Variants in RBMS3 observed in about 807,000 individuals in gnomAD.
RBMS3 encodes the protein RNA binding motif single stranded interacting protein 3, also known as RNA-binding motif, single-stranded-interacting protein 3.
RBMS3 carries 27 observed loss-of-function variants against 66.8 expected under a neutral mutation model. The observed-to-expected ratio is 0.40, with a 90% CI of 0.30 to 0.56. The LOEUF (loss-of-function observed/expected upper bound fraction) is 0.56. RBMS3 is among the 20% of genes least tolerant of loss of function. RBMS3 has a pLI of 0.40. For synonymous variants in RBMS3, 188 were observed against 183.0 expected (o/e 1.03, Z -0.22); for missense variants, 513 against 549.5 (o/e 0.93, Z 0.66).
At position 29,338,623 on chromosome 3, in the gene RBMS3, T is replaced by TTACTGGTC. The variant is rs539395867; in HGVS notation, c.75+56878_75+56885dup. Reference sequence around the variant, plus strand: ...ATTTTGATAAATGCTAATGTGTGAGTTACTGGTCTACTGGTCTAGATTATG... The same window carrying TTACTGGTC: ...ATTTTGATAAATGCTAATGTGTGAGTTACTGGTCTACTGGTCTACTGGTCTAGATTATG... On this transcript the variant is annotated intron_variant, in intron 1 of 14. Coordinates refer to ENST00000383767, the MANE Select transcript of RBMS3 (RefSeq NM_001003793.3). 5.0e-3 allele frequency among the ~76,000 whole-genome samples: 765 copies of TTACTGGTC among 152,058 alleles called. 7 individuals are homozygous for TTACTGGTC. The highest frequency in any genetic ancestry group is 0.017 in the African/African-American group (725 of 41,470).
chr3:29,625,729 TAA>T (rs1309555471), intron 4 of RBMS3, among the ~76,000 whole-genome samples: 45 of 150,318 alleles, frequency 3.0e-4, no homozygotes, highest in South Asian at 8.5e-4. Context: ...AATAAATAAA[TAA>T]ATAAATAAAA....
intron 8 of RBMS3, among the ~76,000 whole-genome samples, chr3:29,892,835 G>GTATT (rs1438541972): frequency 1.4e-4 from 18 of 127,096 alleles, no homozygotes; most frequent in African/African-American, 6.4e-4. Flanking sequence ...ATGTATGTAT[G>GTATT]TATGTATGTA....
intron 1 of RBMS3, among the ~76,000 whole-genome samples, chr3:29,325,342 AGGAATAG>A (rs1440755200): frequency 6.6e-6 from 1 of 152,154 alleles, no homozygotes; most frequent in Non-Finnish European, 1.5e-5. Flanking sequence ...AGATGGGCTG[AGGAATAG>A]TAGAAAGGGA....
intron 4 of RBMS3, among the ~76,000 whole-genome samples, chr3:29,636,403 T>A (rs1394497801): frequency 6.6e-6 from 1 of 151,880 alleles, no homozygotes; most frequent in Non-Finnish European, 1.5e-5. Flanking sequence ...TAAAAATTTT[T>A]CTAAAGGAAA....
intron 3 of RBMS3, among the ~76,000 whole-genome samples, chr3:29,569,457 A>G (rs2046865457): frequency 6.6e-6 from 1 of 152,154 alleles, no homozygotes; most frequent in South Asian, 2.1e-4. Flanking sequence ...TCAACTTATA[A>G]ATAAATATGT....
At chr3:29,884,371 A>T in intron 8 of RBMS3, 163 bp downstream of exon 8, 2 of 552,350 alleles carry the variant, frequency 3.6e-6, no homozygotes, top group Admixed American at 3.5e-5. Flanking sequence ...TCATCCTATA[A>T]ATTATTCTGA....
In RBMS3 at chr3:29,916,697, ATATGT is replaced by A. The variant is rs71628540; in HGVS notation, c.939+16946_939+16950del. 9.8e-3 allele frequency among the ~76,000 whole-genome samples: 1,492 copies of A among 152,138 alleles called. 6 individuals carry two copies. Among genetic ancestry groups the A allele is most frequent in the East Asian group, 0.028 (147 of 5,184 alleles). ...ATGTGGGTTGTATTTCCAGAAAAAT[ATATGT>A]TATAAGAGAATACGAAACATGTGGA... On this transcript the variant is annotated intron_variant, in intron 10 of 14. Coordinates refer to ENST00000383767, the MANE Select transcript of RBMS3 (RefSeq NM_001003793.3).
chr3:29,717,897 T>C (rs944637221), intron 4 of RBMS3, among the ~76,000 whole-genome samples: 1 of 152,104 alleles, frequency 6.6e-6, no homozygotes, highest in African/African-American at 2.4e-5. Context: ...AAGCGTTTTG[T>C]ATTTCTCAGG....
chr3:29,928,881 C>A (rs996693460), intron 10 of RBMS3, among the ~76,000 whole-genome samples: 7 of 151,922 alleles, frequency 4.6e-5, no homozygotes, highest in African/African-American at 7.3e-5. Context: ...TGGTAGACAC[C>A]CCCAGCTGAA....
rs546138457 is a variant in RBMS3, at chr3:29,412,208, G to T, written c.76-22535G>T. ...TATTCCTCACAGTTTTGACAGTCAT[G>T]TATGACTATGCTTGAAATGGGTGGG... is the stretch of plus-strand genomic sequence containing the variant. On this transcript the variant is annotated intron_variant, in intron 1 of 14. Coordinates refer to ENST00000383767, the MANE Select transcript of RBMS3 (RefSeq NM_001003793.3). Among the ~76,000 whole-genome samples the T allele has an allele frequency of 2.6e-5, 4 of 152,300 alleles. No individual in the cohort carries two copies. The South Asian group carries it at 8.3e-4, about 32-fold the overall frequency.
chr3:29,352,153 A>G (rs11129361), intron 1 of RBMS3, among the ~76,000 whole-genome samples: 52,622 of 151,938 alleles, frequency 0.35, 9,318 homozygotes, highest in African/African-American at 0.41. Context: ...TATTTTTAAG[A>G]CTATTCTCCC....
rs151081388 is a variant in RBMS3, at chr3:29,627,277, C to T, written c.399+40072C>T. Among the ~76,000 whole-genome samples, 342 of 143,058 alleles carry T rather than the reference C, an allele frequency of 2.4e-3. 2 individuals are homozygous for T. Among genetic ancestry groups the T allele is most frequent in the African/African-American group, 8.3e-3 (310 of 37,212 alleles). The allele number at this position is 143,058 out of a possible 152,430, so 93.9% of individuals were successfully genotyped here. A position where few individuals can be genotyped will look rare whatever the true frequency, so the allele number is the denominator to read the frequency against. On this transcript the variant is annotated intron_variant, in intron 4 of 14. Transcript: ENST00000383767. Reference sequence around the variant, plus strand: ...TCTCTGTCTCTCTCTCTCTCTCTTTCTCTCTCTCTTCTCTCTCTCTCTGTC... The same window carrying T: ...TCTCTGTCTCTCTCTCTCTCTCTTTTTCTCTCTCTTCTCTCTCTCTCTGTC...
chr3:29,504,679 C>G (rs2044113465), intron 3 of RBMS3, among the ~76,000 whole-genome samples: 1 of 151,888 alleles, frequency 6.6e-6, no homozygotes. Flanking sequence ...ACTGTTTTCT[C>G]TAATGGCTAT....
At chr3:29,961,860 C>T (rs1196380272) in intron 12 of RBMS3, among the ~76,000 whole-genome samples, 1 of 151,282 alleles carries the variant, frequency 6.6e-6, no homozygotes, top group Admixed American at 6.6e-5. Context: ...GGGGACACAG[C>T]AAAATCTAAT....
Position 29,566,656 on chromosome 3 carries a change from T to G in RBMS3, c.308-20458T>G, listed in dbSNP as rs550749884. Among the ~76,000 whole-genome samples, 18 of 142,502 alleles carry G rather than the reference T, an allele frequency of 1.3e-4. 1 individual carries two copies. In the South Asian group the frequency reaches 3.3e-3, roughly 26 times the overall value. The allele number at this position is 142,502 out of a possible 152,430, so 93.5% of individuals were successfully genotyped here. A position where few individuals can be genotyped will look rare whatever the true frequency, so the allele number is the denominator to read the frequency against. On this transcript the variant is annotated intron_variant, in intron 3 of 14. Transcript: ENST00000383767. ...ATGCAAAAAAAAAAAAAAAAAAAAT[T>G]AGGGAAAAAGAGTATACATTGTGCG...
intron 6 of RBMS3, among the ~76,000 whole-genome samples, chr3:29,840,912 A>G (rs181086440): frequency 3.9e-5 from 6 of 152,102 alleles, no homozygotes; most frequent in African/African-American, 1.4e-4. Context: ...TGCATATTTT[A>G]AAGTATGATG....
chr3:29,997,720 C>A (rs11714184), intron 14 of RBMS3, among the ~76,000 whole-genome samples: 21,532 of 151,820 alleles, frequency 0.14, 1,785 homozygotes, highest in East Asian at 0.2. Flanking sequence ...ATTCAACAAC[C>A]CTTCATGCTA....
At chr3:29,356,090 C>T (rs193046352) in intron 1 of RBMS3, among the ~76,000 whole-genome samples, 3 of 152,182 alleles carry the variant, frequency 2.0e-5, no homozygotes, top group Admixed American at 1.3e-4. Context: ...GTAAGGACCA[C>T]GAGTTAACTA....
At chr3:29,503,336 ATTT>A in intron 3 of RBMS3, among the ~76,000 whole-genome samples, 1 of 151,966 alleles carries the variant, frequency 6.6e-6, no homozygotes, top group East Asian at 1.9e-4. Flanking sequence ...TCTTACCGAG[ATTT>A]ACCTTGTCAT....
Sources: gnomAD v4.1 joint callset for allele counts (sites outside exome capture counted in the v4.1 genomes callset) on GRCh38, gnomAD v4.1.1 for gene constraint, MANE v1.5 for transcripts, NCBI Gene and HGNC (gene_info 2026-07-23, HGNC 2026-07-21) for gene names.